The following PTPRT variants were observed in gnomAD, a reference collection of about 807,000 sequenced individuals.
The protein encoded by PTPRT is protein tyrosine phosphatase receptor type T, also known as receptor-type tyrosine-protein phosphatase T.
PTPRT carries 56 observed loss-of-function variants against 176.8 expected under a neutral mutation model. That is an observed-to-expected ratio of 0.32 (90% CI 0.26 to 0.40). The LOEUF (loss-of-function observed/expected upper bound fraction) is 0.40. Among genes scored for constraint, PTPRT ranks in the 10% least tolerant of loss-of-function variants. The pLI is 1.00. For missense variants in PTPRT, 1,540 were observed against 1,908.2 expected (o/e 0.81, Z 3.60); for synonymous variants, 783 against 739.0 (o/e 1.06, Z -0.96).
At chr20:42,283,958 T>C (rs2057183998) in intron 12 of PTPRT, among the ~76,000 whole-genome samples, 1 of 152,122 alleles carries the variant, frequency 6.6e-6, no homozygotes, top group South Asian at 2.1e-4. Flanking sequence ...GTCTTGATTC[T>C]TTTCCTCAAA....
intron 8 of PTPRT, among the ~76,000 whole-genome samples, chr20:42,463,284 C>G (rs961371794): frequency 6.6e-6 from 1 of 151,722 alleles, no homozygotes; most frequent in Non-Finnish European, 1.5e-5. Flanking sequence ...CTTTGTAATT[C>G]TTTAATGAAT....
intron 1 of PTPRT, among the ~76,000 whole-genome samples, chr20:43,166,726 G>A (rs1228153385): frequency 6.6e-6 from 1 of 152,160 alleles, no homozygotes; most frequent in African/African-American, 2.4e-5. Context: ...GTACAGATAA[G>A]GGGGGTAAGA....
intron 26 of PTPRT, among the ~76,000 whole-genome samples, chr20:42,101,478 C>T (rs149752648): frequency 3.0e-4 from 46 of 152,228 alleles, no homozygotes; most frequent in African/African-American, 1.0e-3. Context: ...GCTCGCTGGA[C>T]CAGGAACATG....
At chr20:42,949,270 A>G (rs1283008550) in intron 1 of PTPRT, among the ~76,000 whole-genome samples, 1 of 152,198 alleles carries the variant, frequency 6.6e-6, no homozygotes, top group Non-Finnish European at 1.5e-5. Context: ...AATAGAACGC[A>G]GTAGTAGTGA....
intron 9 of PTPRT, among the ~76,000 whole-genome samples, chr20:42,399,596 T>C (rs2058885763): frequency 6.6e-6 from 1 of 152,182 alleles, no homozygotes; most frequent in Admixed American, 6.5e-5. Context: ...TTTTGGTAAA[T>C]CCCTCCCAGG....
At chr20:42,998,032 G>A (rs1984324874) in intron 1 of PTPRT, among the ~76,000 whole-genome samples, 1 of 152,154 alleles carries the variant, frequency 6.6e-6, no homozygotes, top group South Asian at 2.1e-4. Flanking sequence ...ATGGATGAGG[G>A]AACATTGGCT....
chr20:43,188,993 T>A (rs2015469162), intron 1 of PTPRT, among the ~76,000 whole-genome samples: 1 of 151,804 alleles, frequency 6.6e-6, no homozygotes. Flanking sequence ...TCAAATCCAC[T>A]CCCCTCCAAG....
At chr20:42,280,232 C>T (rs2057116560) in intron 13 of PTPRT, among the ~76,000 whole-genome samples, 1 of 152,106 alleles carries the variant, frequency 6.6e-6, no homozygotes, top group Admixed American at 6.5e-5. Context: ...CTTTAATCAA[C>T]CCTAGGTACT....
In PTPRT at chr20:42,707,089, A is replaced by C. The variant is rs188267638; in HGVS notation, c.860-28930T>G. 2.6e-5 allele frequency among the ~76,000 whole-genome samples: 4 copies of C among 152,338 alleles called. No individual in the cohort carries two copies. The East Asian group carries it at 7.7e-4, about 29-fold the overall frequency. Reference sequence around the variant, plus strand: ...GAAGAATTACCCTTCAGATTCCAAAAGGAGTCTGGCCCTGCTAACACCTTG... The same window carrying C: ...GAAGAATTACCCTTCAGATTCCAAACGGAGTCTGGCCCTGCTAACACCTTG... On this transcript the variant is annotated intron_variant, in intron 6 of 30. Transcript: ENST00000373187.
chr20:42,051,999 G>A, the PTPRT span, among the ~76,000 whole-genome samples: 1 of 152,174 alleles, frequency 6.6e-6, no homozygotes, highest in Non-Finnish European at 1.5e-5. Flanking sequence ...AGATTATACT[G>A]ATTGATGTGT....
intron 3 of PTPRT, among the ~76,000 whole-genome samples, chr20:42,790,783 C>T (rs1406580135): frequency 2.0e-5 from 3 of 152,148 alleles, no homozygotes; most frequent in Non-Finnish European, 4.4e-5. Context: ...TTGCCTTCCC[C>T]AGCAAACACC....
intron 7 of PTPRT, among the ~76,000 whole-genome samples, chr20:42,669,299 T>C (rs145734096): frequency 2.6e-5 from 4 of 152,298 alleles, no homozygotes; most frequent in Admixed American, 6.5e-5. Flanking sequence ...TGGTGTGGCA[T>C]GCATGAAAGT....
At chr20:42,105,978 G>A (rs1203321757) in intron 24 of PTPRT, among the ~76,000 whole-genome samples, 1 of 152,228 alleles carries the variant, frequency 6.6e-6, no homozygotes, top group Non-Finnish European at 1.5e-5. Flanking sequence ...GGGATAGGCA[G>A]AAAAGGCTGC....
Position 42,616,354 on chromosome 20 carries a change from T to C in PTPRT, c.1153+61512A>G, listed in dbSNP as rs1376774232. Among the ~76,000 whole-genome samples, 5 of 121,340 alleles carry C rather than the reference T, an allele frequency of 4.1e-5. No homozygotes were observed. In the East Asian group the frequency reaches 1.0e-3, roughly 25 times the overall value. 79.6% of individuals were successfully genotyped at this position (121,340 alleles called of 152,430 possible). On this transcript the variant is annotated intron_variant, in intron 7 of 30. Transcript: ENST00000373187. The stretch of plus-strand genomic sequence containing the variant: ...TGGTTACTGTAGCCTTGTAGTATAG[T>C]TTGAAGTCAGGTAGTGTGATGCCTC...
At chr20:42,335,634 C>G (rs2058029227) in intron 11 of PTPRT, among the ~76,000 whole-genome samples, 2 of 151,976 alleles carry the variant, frequency 1.3e-5, no homozygotes, top group Admixed American at 6.6e-5. Flanking sequence ...AAATTATAAA[C>G]AAATTTGAGA....
At chr20:42,434,373 G>A (rs1462849341) in intron 9 of PTPRT, among the ~76,000 whole-genome samples, 1 of 152,066 alleles carries the variant, frequency 6.6e-6, no homozygotes, top group Non-Finnish European at 1.5e-5. Flanking sequence ...TTTGTGCCAG[G>A]ATCTGTTCTA....
chr20:43,182,548 A>C (rs1600778887), intron 1 of PTPRT, among the ~76,000 whole-genome samples: 1 of 152,066 alleles, frequency 6.6e-6, no homozygotes, highest in East Asian at 1.9e-4. Flanking sequence ...ATGCTACCAC[A>C]CCCGGCTAAT....
chr20:42,124,136 C>T (rs2146344988), intron 19 of PTPRT, among the ~76,000 whole-genome samples: 1 of 152,346 alleles, frequency 6.6e-6, no homozygotes, highest in South Asian at 2.1e-4. Context: ...CACGAGACTC[C>T]TCAGCAAAGG....
intron 1 of PTPRT, among the ~76,000 whole-genome samples, chr20:42,991,675 C>T (rs1983921217): frequency 6.6e-6 from 1 of 152,090 alleles, no homozygotes; most frequent in Non-Finnish European, 1.5e-5. Context: ...CTACTTAATG[C>T]CACTCAATTG....
Sources: allele counts gnomAD v4.1 joint callset (sites outside exome capture counted in the v4.1 genomes callset), GRCh38; gene constraint gnomAD v4.1.1; transcripts MANE v1.5; gene names NCBI Gene and HGNC (gene_info 2026-07-23, HGNC 2026-07-21).